Variants in CALN1 observed in about 807,000 individuals in gnomAD.
The protein encoded by CALN1 is calneuron 1.
In CALN1, 17 loss-of-function variants were observed where a neutral mutation model predicts 30.6. The ratio of observed to expected loss-of-function variants is 0.56; its 90% CI spans 0.38 to 0.83. The LOEUF is 0.83. Among genes scored for constraint, CALN1 ranks in the 40% least tolerant of loss-of-function variants. CALN1 has a pLI of 0.00. For missense variants in CALN1, 291 were observed against 354.9 expected (o/e 0.82, Z 1.45); for synonymous variants, 156 against 131.4 (o/e 1.19, Z -1.28).
At chr7:72,156,975 A>G (rs575348364) in intron 3 of CALN1, among the ~76,000 whole-genome samples, 2 of 152,354 alleles carry the variant, frequency 1.3e-5, no homozygotes, top group East Asian at 3.9e-4. Flanking sequence ...ACCTCTGCCT[A>G]CAGAGAGCTG....
At chr7:72,501,948 T>TATATATATATATACAC in the CALN1 span, among the ~76,000 whole-genome samples, 136 of 72,344 alleles carry the variant, frequency 1.9e-3, 2 homozygotes, top group East Asian at 6.8e-3. Flanking sequence ...TATATATATA[T>TATATATATATATACAC]ACACACATAT....
At chr7:71,937,539 T>C (rs986999060) in intron 5 of CALN1, among the ~76,000 whole-genome samples, 3 of 152,136 alleles carry the variant, frequency 2.0e-5, no homozygotes, top group Non-Finnish European at 2.9e-5. Context: ...AGTCCGGTGG[T>C]GCAATCATAG....
chr7:72,063,452 T>C (rs1584864777), intron 4 of CALN1, among the ~76,000 whole-genome samples: 1 of 152,146 alleles, frequency 6.6e-6, no homozygotes, highest in South Asian at 2.1e-4. Context: ...ATGCAATATA[T>C]AGCAGCCATC....
chr7:72,429,549 A>G (rs1359173430), intron 1 of CALN1, among the ~76,000 whole-genome samples: 1 of 152,122 alleles, frequency 6.6e-6, no homozygotes, highest in Non-Finnish European at 1.5e-5. Flanking sequence ...CAGCTGTTGT[A>G]GACAAGTGGC....
intron 3 of CALN1, among the ~76,000 whole-genome samples, chr7:72,267,360 A>G (rs1350083471): frequency 6.6e-6 from 1 of 152,218 alleles, no homozygotes; most frequent in Non-Finnish European, 1.5e-5. Context: ...AGTCATGCTC[A>G]TGGCCAGCCT....
At chr7:72,247,195 C>T (rs1795230408) in intron 3 of CALN1, among the ~76,000 whole-genome samples, 1 of 134,720 alleles carries the variant, frequency 7.4e-6, no homozygotes, top group South Asian at 2.4e-4. Context: ...GGTCCTTGGT[C>T]TGGCAAGGGT....
At chr7:72,129,075 C>T (rs1377255939) in intron 3 of CALN1, among the ~76,000 whole-genome samples, 1 of 152,172 alleles carries the variant, frequency 6.6e-6, no homozygotes, top group Non-Finnish European at 1.5e-5. Flanking sequence ...CAAGAGCAGA[C>T]AGTTCCCAAG....
At chr7:71,906,339 G>A (rs758926996) in intron 5 of CALN1, among the ~76,000 whole-genome samples, 4 of 152,182 alleles carry the variant, frequency 2.6e-5, no homozygotes, top group Non-Finnish European at 4.4e-5. Flanking sequence ...CCCGGGCCAT[G>A]AGCCAGCAGG....
chr7:72,379,677 G>T (rs1358979900), intron 2 of CALN1, among the ~76,000 whole-genome samples: 1 of 152,218 alleles, frequency 6.6e-6, no homozygotes, highest in African/African-American at 2.4e-5. Flanking sequence ...ACTCAATGAG[G>T]AGTTTTCTTC....
intron 4 of CALN1, among the ~76,000 whole-genome samples, chr7:72,045,625 C>T (rs556598438): frequency 6.6e-6 from 1 of 152,210 alleles, no homozygotes; most frequent in Admixed American, 6.5e-5. Context: ...AATTCCAAGG[C>T]TAAGGCAATT....
At chr7:71,832,254 C>T (rs990344074) in intron 5 of CALN1, among the ~76,000 whole-genome samples, 4 of 152,112 alleles carry the variant, frequency 2.6e-5, no homozygotes, top group Non-Finnish European at 4.4e-5. Context: ...TGACTTGTCT[C>T]GTTCTGGACA....
intron 3 of CALN1, among the ~76,000 whole-genome samples, chr7:72,135,150 G>A (rs1365026395): frequency 1.3e-5 from 2 of 152,120 alleles, no homozygotes; most frequent in Non-Finnish European, 1.5e-5. Flanking sequence ...TTCCTCCACT[G>A]AAGTCTTGAA....
chr7:72,494,903 C>T, the CALN1 span, among the ~76,000 whole-genome samples: 1 of 150,952 alleles, frequency 6.6e-6, no homozygotes, highest in East Asian at 1.9e-4. Flanking sequence ...GATTGTTCCT[C>T]TCCATATGGT....
chr7:71,906,175 A>G (rs904149933), intron 5 of CALN1, among the ~76,000 whole-genome samples: 1 of 152,160 alleles, frequency 6.6e-6, no homozygotes, highest in Non-Finnish European at 1.5e-5. Context: ...ACTCCCTATC[A>G]TTGCTGGAAG....
intron 5 of CALN1, among the ~76,000 whole-genome samples, chr7:71,859,245 T>C (rs1315270919): frequency 1.3e-5 from 2 of 152,110 alleles, no homozygotes; most frequent in Non-Finnish European, 2.9e-5. Flanking sequence ...GTATTTTCAG[T>C]AGAGACAGGG....
chr7:72,341,618 C>A (rs1250196599), intron 2 of CALN1, among the ~76,000 whole-genome samples: 2 of 152,190 alleles, frequency 1.3e-5, no homozygotes, highest in African/African-American at 4.8e-5. Flanking sequence ...TCCCACATAA[C>A]CAGAGTGGGA....
At chr7:72,501,948 T>TATATATATATACACAC in the CALN1 span, among the ~76,000 whole-genome samples, 2 of 72,366 alleles carry the variant, frequency 2.8e-5, no homozygotes, top group African/African-American at 1.5e-4. Flanking sequence ...TATATATATA[T>TATATATATATACACAC]ACACACATAT....
At chr7:72,337,306 T>A in intron 2 of CALN1, 1 of 984,612 alleles carries the variant, frequency 1.0e-6, no homozygotes, top group Non-Finnish European at 1.2e-6. Flanking sequence ...GCGCCCCAGC[T>A]CCTCCGAGGG....
At chr7:71,811,318 C>T (rs887910760) in intron 5 of CALN1, among the ~76,000 whole-genome samples, 3 of 152,178 alleles carry the variant, frequency 2.0e-5, no homozygotes, top group African/African-American at 7.2e-5. Flanking sequence ...AGCCATCCTC[C>T]TGCCTCAGCC....
Sources: allele counts gnomAD v4.1 joint callset (sites outside exome capture counted in the v4.1 genomes callset), GRCh38; gene constraint gnomAD v4.1.1; transcripts MANE v1.5; gene names NCBI Gene and HGNC (gene_info 2026-07-23, HGNC 2026-07-21).